Variants in DNAJC22 observed in about 807,000 individuals in gnomAD.
DNAJC22 encodes the protein dnaJ homolog subfamily C member 22.
DNAJC22 carries 24 observed loss-of-function variants against 22.2 expected under a neutral mutation model. That is an observed-to-expected ratio of 1.08 (90% CI 0.78 to 1.52). DNAJC22 has a LOEUF of 1.52. Ranked by LOEUF, DNAJC22 falls within the 40% of genes most tolerant of loss-of-function variation. DNAJC22 has a pLI of 0.00. For missense variants in DNAJC22, 434 were observed against 421.7 expected (o/e 1.03, Z -0.26); for synonymous variants, 160 against 167.4 (o/e 0.96, Z 0.34).
rs1283597453 is a variant in DNAJC22, at chr12:49,352,826, T to C, written c.*1324T>C. The C allele has an allele frequency of 1.3e-5, 2 of 152,202 alleles. No individual in the cohort carries two copies. The highest frequency in any genetic ancestry group is 1.9e-4 in the East Asian group (1 of 5,198). The allele number at this position is 152,202 out of a possible 1,614,324, so 9.4% of individuals were successfully genotyped here. On this transcript the variant is annotated 3_prime_UTR_variant, in exon 4 of 4. Coordinates refer to ENST00000549441, the MANE Select transcript of DNAJC22 (RefSeq NM_001304944.2). Reference sequence around the variant, plus strand: ...GCTTAGAGGAGAATTTTTGGAGAGCTCTCAGACTTTACATAGGTGATTGGA... The same window carrying C: ...GCTTAGAGGAGAATTTTTGGAGAGCCCTCAGACTTTACATAGGTGATTGGA...
rs904905930 is a variant in DNAJC22, at chr12:49,352,180, G to C, written c.*678G>C. 6.6e-6 allele frequency: 1 copy of C among 152,160 alleles called. No individual in the cohort carries two copies. Among genetic ancestry groups the C allele is most frequent in the African/African-American group, 2.4e-5 (1 of 41,424 alleles). The allele number at this position is 152,160 out of a possible 1,614,324, so 9.4% of individuals were successfully genotyped here. On this transcript the variant is annotated 3_prime_UTR_variant, in exon 4 of 4. Coordinates refer to ENST00000549441, the MANE Select transcript of DNAJC22 (RefSeq NM_001304944.2). ...CACCTTATCCCACCCATGATATATT[G>C]ATGTGTGATGGAGAAAGATTATTTA...
chr12:49,352,550 A>AAG lies in DNAJC22; in HGVS notation c.*1048_*1049insAG, dbSNP rs1565682258. On this transcript the variant is annotated 3_prime_UTR_variant, in exon 4 of 4. Transcript: ENST00000549441. ...ATTAAATAAATAAATAAGTAAGTAA[A>AAG]TAAATAAATAAATAAATGTATAAAG... 1 of 149,492 alleles carries AAG rather than the reference A, an allele frequency of 6.7e-6. No homozygotes were observed. Among genetic ancestry groups the AAG allele is most frequent in the African/African-American group, 2.6e-5 (1 of 38,994 alleles). The allele number at this position is 149,492 out of a possible 1,614,324, so 9.3% of individuals were successfully genotyped here. A position where few individuals can be genotyped will look rare whatever the true frequency, so the allele number is the denominator to read the frequency against.
In DNAJC22 at chr12:49,349,664, T is replaced by C. The variant is rs762512228; in HGVS notation, c.792T>C (p.Tyr264=). Residue 264 remains tyrosine (Y), a synonymous_variant, in exon 3 of 4, where the codon TAT becomes TAC. Transcript: ENST00000549441. ...GCTTTCAGGAGTGGGCGAAGCTCTA[T>C]GAGTTTGTTCACAGTTTTCAGGATG... is the stretch of plus-strand genomic sequence containing the variant. The part of the protein sequence containing the change: ...SSCFQEWAKL[Y]EFVHSFQDEK... The C allele has an allele frequency of 8.1e-6, 13 of 1,613,932 alleles. No individual in the cohort carries two copies. In the East Asian group the frequency reaches 1.3e-4, roughly 17 times the overall value.
Position 49,349,084 on chromosome 12 carries a change from G to A in DNAJC22, c.212G>A (p.Gly71Glu), listed in dbSNP as rs756120572. The change falls in exon 3 of 4, where the codon GGG becomes GAG. Residue 71 changes from glycine (G) to glutamate (E), a missense_variant. Physicochemically the swap from Gly to Glu is moderately conservative, Grantham distance 98. Coordinates refer to ENST00000549441, the MANE Select transcript of DNAJC22 (RefSeq NM_001304944.2). ...CAGGGACAGAGGCAGAGCCCCAGAG[G>A]GGTGACACCCCCTCTGAGTCCCATT... ...RAQGQRQSPR[G>E]VTPPLSPIRF... 3.1e-6 allele frequency: 5 copies of A among 1,613,990 alleles called. No individual in the cohort carries two copies. The South Asian group carries it at 4.4e-5, about 14-fold the overall frequency.
chr12:49,349,360 C>T lies in DNAJC22; in HGVS notation c.488C>T (p.Ala163Val), dbSNP rs746889088. The T allele has an allele frequency of 1.9e-6, 3 of 1,607,006 alleles. No homozygotes were observed. The highest frequency in any genetic ancestry group is 1.7e-4 in the Middle Eastern group (1 of 6,034). The change falls in exon 3 of 4, where the codon GCT becomes GTT. Residue 163 changes from alanine (A) to valine (V), a missense_variant. Transcript: ENST00000549441. Reference sequence around the variant, plus strand: ...ATTAGCGTGGCCGCCAGCATTACAGCTCAGAGGCATCGCCGCTACAAAGCT... The same window carrying T: ...ATTAGCGTGGCCGCCAGCATTACAGTTCAGAGGCATCGCCGCTACAAAGCT... The part of the protein sequence containing the change: ...LPISVAASIT[A>V]QRHRRYKALV...
In DNAJC22 at chr12:49,351,431, C is replaced by G. The variant is rs1275623342; in HGVS notation, c.955C>G (p.His319Asp). 1 of 1,606,608 alleles carries G rather than the reference C, an allele frequency of 6.2e-7. No individual in the cohort carries two copies. The highest frequency in any genetic ancestry group is 8.5e-7 in the Non-Finnish European group (1 of 1,177,352). ...GGACCAGACAGAGGAGGCACAGAGG[C>G]ACTTCCTGGAGATCCAGGCTGCGTA... ...NLDQTEEAQR[H>D]FLEIQAAYEV... The change falls in exon 4 of 4, where the codon CAC becomes GAC. Residue 319 changes from histidine to aspartate, a missense_variant. Transcript: ENST00000549441.
intron 2 of DNAJC22, among the ~76,000 whole-genome samples, chr12:49,348,481 C>T (rs1943728029): frequency 6.6e-6 from 1 of 152,096 alleles, no homozygotes; most frequent in South Asian, 2.1e-4. Context: ...TGTGTGGGAA[C>T]TTTGGAAAAG....
Position 49,348,799 on chromosome 12 carries a change from T to G in DNAJC22, c.-74T>G. ...GATAACTCTGGGGCCATGACAGCCATGAGTCTCACAGAGGACCCCGAGACT... is the reference window on the plus strand; with the variant it reads ...GATAACTCTGGGGCCATGACAGCCAGGAGTCTCACAGAGGACCCCGAGACT... On this transcript the variant is annotated 5_prime_UTR_variant, in exon 3 of 4. The change abolishes an upstream ATG in the 5' untranslated region. Coordinates refer to ENST00000549441, the MANE Select transcript of DNAJC22 (RefSeq NM_001304944.2). The G allele has an allele frequency of 7.0e-7, 1 of 1,431,346 alleles. No homozygotes were observed. Among genetic ancestry groups the G allele is most frequent in the Non-Finnish European group, 9.2e-7 (1 of 1,091,246 alleles). The allele number at this position is 1,431,346 out of a possible 1,614,324, so 88.7% of individuals were successfully genotyped here.
chr12:49,351,220 A>G, intron 3 of DNAJC22, 97 bp from the exon 4 acceptor site: 1 of 1,578,508 alleles, frequency 6.3e-7, no homozygotes, highest in South Asian at 1.2e-5. Context: ...AGCCAATTCT[A>G]GAGATATGAT....
chr12:49,352,783 G>A lies in DNAJC22; in HGVS notation c.*1281G>A, dbSNP rs1943798994. The A allele has an allele frequency of 6.6e-6, 1 of 152,090 alleles. No individual in the cohort carries two copies. The highest frequency in any genetic ancestry group is 2.4e-5 in the African/African-American group (1 of 41,400). The allele number at this position is 152,090 out of a possible 1,614,324, so 9.4% of individuals were successfully genotyped here. ...GGGAACAAGCTACTGTGGAGTGGGG[G>A]GTAGTTCTTCCTCCTCTGCTTAGAG... On this transcript the variant is annotated 3_prime_UTR_variant, in exon 4 of 4. Coordinates refer to ENST00000549441, the MANE Select transcript of DNAJC22 (RefSeq NM_001304944.2).
Position 49,353,373 on chromosome 12 carries a change from GC to G in DNAJC22, c.*1872del, listed in dbSNP as rs1297992393. ...ATTTTTAAAGTGGAATTATGACCAGGCATGGTGCCTCTTGCCTATAATCCTA... is the reference window on the plus strand; with the variant it reads ...ATTTTTAAAGTGGAATTATGACCAGGATGGTGCCTCTTGCCTATAATCCTA... On this transcript the variant is annotated 3_prime_UTR_variant, in exon 4 of 4. Coordinates refer to ENST00000549441, the MANE Select transcript of DNAJC22 (RefSeq NM_001304944.2). 1 of 152,166 alleles carries G rather than the reference GC, an allele frequency of 6.6e-6. No individual in the cohort carries two copies. Among genetic ancestry groups the G allele is most frequent in the African/African-American group, 2.4e-5 (1 of 41,424 alleles). 9.4% of individuals were successfully genotyped at this position (152,166 alleles called of 1,614,324 possible). A position where few individuals can be genotyped will look rare whatever the true frequency, so the allele number is the denominator to read the frequency against.
intron 3 of DNAJC22, 105 bp downstream of exon 3, chr12:49,349,817 C>T: frequency 1.9e-6 from 3 of 1,554,936 alleles, no homozygotes; most frequent in Non-Finnish European, 2.6e-6. Flanking sequence ...ATTCTGGCTT[C>T]TTTGGATATC....
intron 3 of DNAJC22, 41 bp from the exon 4 acceptor site, chr12:49,351,276 A>G: frequency 6.2e-7 from 1 of 1,612,320 alleles, no homozygotes; most frequent in Non-Finnish European, 8.5e-7. Flanking sequence ...GTACCCTGAC[A>G]ACTTGGGGGA....
rs754538756 is a variant in DNAJC22 at position 49,349,347 on chromosome 12, G to T, written c.475G>T (p.Ala159Ser). Residue 159 changes from alanine to serine, a missense_variant, in exon 3 of 4, where the codon GCC (alanine) becomes TCC (serine). Transcript: ENST00000549441. ...AGCCATACTGCCCATTAGCGTGGCC[G>T]CCAGCATTACAGCTCAGAGGCATCG... is the stretch of plus-strand genomic sequence containing the variant. ...PIAILPISVA[A>S]SITAQRHRRY... is the part of the protein sequence containing the mutation. 2.5e-6 allele frequency: 4 copies of T among 1,608,638 alleles called. No individual in the cohort carries two copies. The highest frequency in any genetic ancestry group is 3.4e-6 in the Non-Finnish European group (4 of 1,177,366).
chr12:49,349,471 C>A lies in DNAJC22; in HGVS notation c.599C>A (p.Ala200Asp). Residue 200 changes from alanine to aspartate, a missense_variant, in exon 3 of 4, where the codon GCC (alanine) becomes GAC (aspartate). Transcript: ENST00000549441. ...TTCACAGGCCCACTGGCATACAGTGCCCTCTGCAACACAGCTGCCACCCTC... is the reference window on the plus strand; with the variant it reads ...TTCACAGGCCCACTGGCATACAGTGACCTCTGCAACACAGCTGCCACCCTC... Reference protein sequence around the residue: ...LAFTGPLAYSALCNTAATLSY... With the variant: ...LAFTGPLAYSDLCNTAATLSY... The A allele has an allele frequency of 6.2e-7, 1 of 1,614,234 alleles. No individual in the cohort carries two copies. The highest frequency in any genetic ancestry group is 8.5e-7 in the Non-Finnish European group (1 of 1,180,050).
Position 49,349,696 on chromosome 12 carries a change from G to A in DNAJC22, c.824G>A (p.Arg275His), listed in dbSNP as rs372730250. 42 of 1,614,064 alleles carry A rather than the reference G, an allele frequency of 2.6e-5. No homozygotes were observed. The highest frequency in any genetic ancestry group is 1.1e-4 in the East Asian group (5 of 44,898). ...EFVHSFQDEK[R>H]QLAYQVLGLS... is the part of the protein sequence containing the mutation. ...GTTCACAGTTTTCAGGATGAGAAGC[G>A]TCAGCTGGCTTACCAGGTAAGGCTT... Residue 275 changes from arginine (R) to histidine (H), a missense_variant, in exon 3 of 4, where the codon CGT becomes CAT. Coordinates refer to ENST00000549441, the MANE Select transcript of DNAJC22 (RefSeq NM_001304944.2).
rs750659882 is a variant in DNAJC22 at position 49,351,445 on chromosome 12, C to T, written c.969C>T (p.Ile323=). 9 of 1,602,606 alleles carry T rather than the reference C, an allele frequency of 5.6e-6. No individual in the cohort carries two copies. In the East Asian group the frequency reaches 6.8e-5, roughly 12 times the overall value. Residue 323 remains isoleucine, a synonymous_variant, in exon 4 of 4, where the codon ATC becomes ATT. Transcript: ENST00000549441. The part of the protein sequence containing the change: ...TEEAQRHFLE[I]QAAYEVLSQP... ...AGGCACAGAGGCACTTCCTGGAGAT[C>T]CAGGCTGCGTATGAAGTCCTGAGTC...
Position 49,347,270 on chromosome 12 carries a change from G to C in DNAJC22, c.-851G>C, listed in dbSNP as rs1023965553. 14 of 152,300 alleles carry C rather than the reference G, an allele frequency of 9.2e-5. No homozygotes were observed. The highest frequency in any genetic ancestry group is 3.4e-4 in the African/African-American group (14 of 41,464). The allele number at this position is 152,300 out of a possible 1,614,324, so 9.4% of individuals were successfully genotyped here. On this transcript the variant is annotated 5_prime_UTR_variant, in exon 1 of 4. Coordinates refer to ENST00000549441, the MANE Select transcript of DNAJC22 (RefSeq NM_001304944.2). The stretch of plus-strand genomic sequence containing the variant: ...CGAGCCTCCTGCCCTCCAACCCTCT[G>C]CTCCCGTTTCTCCCTCTGGTTCATA...
intron 3 of DNAJC22, 131 bp from the exon 4 acceptor site, chr12:49,351,173 AACCTGAGCTGCTG>A (rs1166818180): frequency 1.4e-6 from 2 of 1,467,156 alleles, no homozygotes; most frequent in Non-Finnish European, 1.8e-6. Context: ...CTGGAATTCT[AACCTGAGCTGCTG>A]GACCTTTCCC....
Sources: allele counts gnomAD v4.1 joint callset (sites outside exome capture counted in the v4.1 genomes callset), GRCh38; gene constraint gnomAD v4.1.1; transcripts MANE v1.5; gene names NCBI Gene and HGNC (gene_info 2026-07-23, HGNC 2026-07-21).